The following KRAS variants were observed in gnomAD, a reference collection of about 807,000 sequenced individuals.
KRAS encodes the protein GTPase KRas.
Under a neutral mutation model 21.0 loss-of-function variants are expected in KRAS, and 1 was observed. That is an observed-to-expected ratio of 0.05 (90% CI 0.02 to 0.23). KRAS has a LOEUF of 0.23. Among genes scored for constraint, KRAS ranks in the 10% least tolerant of loss-of-function variants. The pLI, the probability that KRAS is intolerant of heterozygous loss-of-function variation, is 1.00. For missense variants in KRAS, 107 were observed against 221.8 expected, an observed-to-expected ratio of 0.48 and a Z score of 3.29; for synonymous variants, 67 against 72.5, an observed-to-expected ratio of 0.92 and a Z score of 0.39.
At chr12:25,236,829 A>T (rs553763379) in intron 2 of KRAS, among the ~76,000 whole-genome samples, 24 of 152,160 alleles carry the variant, frequency 1.6e-4, no homozygotes, top group Non-Finnish European at 3.1e-4. Context: ...TACCAAAACC[A>T]CTTGGCAGTT....
intron 2 of KRAS, chr12:25,234,623 TA>T (rs1473023376): frequency 5.3e-6 from 1 of 188,340 alleles, no homozygotes; most frequent in Non-Finnish European, 1.1e-5. Flanking sequence ...AATCTTCTTT[TA>T]CACTGACTTG....
chr12:25,227,554 AC>A, intron 2 of KRAS, 142 bp from the exon 3 acceptor site: 1 of 690,220 alleles, frequency 1.4e-6, no homozygotes, highest in Non-Finnish European at 2.5e-6. Flanking sequence ...TCCAAAGATG[AC>A]GGACAAATGG....
chr12:25,246,097 C>T (rs1951676415), intron 1 of KRAS, among the ~76,000 whole-genome samples: 2 of 144,354 alleles, frequency 1.4e-5, no homozygotes, highest in Non-Finnish European at 3.0e-5. Context: ...TGCAATGAGC[C>T]GAGATGGCGC....
At chr12:25,240,694 A>G (rs1434921563) in intron 2 of KRAS, among the ~76,000 whole-genome samples, 1 of 152,164 alleles carries the variant, frequency 6.6e-6, no homozygotes, top group Non-Finnish European at 1.5e-5. Context: ...GAGATTCCAA[A>G]CCATAAAATC....
rs540765093 is a variant in KRAS at position 25,227,097 on chromosome 12, C to T, written c.290+137G>A. On this transcript the variant is annotated intron_variant, in intron 3 of 4. Coordinates refer to ENST00000311936, the MANE Select transcript of KRAS (RefSeq NM_004985.5). Reference sequence around the variant, plus strand: ...TCCCCCAAGAACTTCATTTATAAAACAGGGATATTACCTACCTCATAAACA... The same window carrying T: ...TCCCCCAAGAACTTCATTTATAAAATAGGGATATTACCTACCTCATAAACA... The T allele has an allele frequency of 4.2e-5, 24 of 577,314 alleles. 1 individual carries two copies. The South Asian group carries it at 5.7e-4, about 14-fold the overall frequency. 35.8% of individuals were successfully genotyped at this position (577,314 alleles called of 1,614,324 possible). A position where few individuals can be genotyped will look rare whatever the true frequency, so the allele number is the denominator to read the frequency against.
chr12:25,205,592 AG>A lies in KRAS; in HGVS notation c.*4202del. The A allele has an allele frequency of 4.5e-6, 1 of 220,406 alleles. No homozygotes were observed. Among genetic ancestry groups the A allele is most frequent in the Non-Finnish European group, 9.1e-6 (1 of 109,672 alleles). 13.7% of individuals were successfully genotyped at this position (220,406 alleles called of 1,614,324 possible). On this transcript the variant is annotated 3_prime_UTR_variant, in exon 5 of 5. Transcript: ENST00000311936. ...GTACTAGTAAGAAATTGGCACTCAA[AG>A]GAAAAATGCAAAAGTATTTTCAACA...
intron 1 of KRAS, among the ~76,000 whole-genome samples, chr12:25,248,385 G>A (rs1378639278): frequency 5.9e-5 from 9 of 152,094 alleles, no homozygotes; most frequent in African/African-American, 2.2e-4. Context: ...GAGAGTCGGA[G>A]GTAGTAGCGG....
intron 4 of KRAS, among the ~76,000 whole-genome samples, chr12:25,211,393 G>A (rs1342319835): frequency 6.6e-6 from 1 of 152,094 alleles, no homozygotes; most frequent in Non-Finnish European, 1.5e-5. Context: ...TGGCCAACAT[G>A]GTGAAACCCT....
chr12:25,226,464 T>C (rs564501999), intron 3 of KRAS, among the ~76,000 whole-genome samples: 34 of 152,332 alleles, frequency 2.2e-4, no homozygotes, highest in Admixed American at 5.9e-4. Flanking sequence ...ACTTGGATAA[T>C]AGAGCTGAAA....
intron 2 of KRAS, among the ~76,000 whole-genome samples, chr12:25,231,561 T>C (rs992419382): frequency 3.3e-5 from 5 of 152,204 alleles, no homozygotes; most frequent in Non-Finnish European, 5.9e-5. Context: ...AATACACCAG[T>C]GCGACCGAGA....
chr12:25,236,875 C>T (rs996925520), intron 2 of KRAS, among the ~76,000 whole-genome samples: 1 of 152,070 alleles, frequency 6.6e-6, no homozygotes. Flanking sequence ...CCATATAACC[C>T]AGCAACTGTA....
intron 2 of KRAS, among the ~76,000 whole-genome samples, chr12:25,231,310 C>A (rs1374944593): frequency 1.3e-5 from 2 of 151,970 alleles, no homozygotes; most frequent in African/African-American, 4.8e-5. Context: ...TGGTCTTCAA[C>A]TCCTGACCTC....
chr12:25,242,545 AAAGAT>A (rs1158820590), intron 2 of KRAS, among the ~76,000 whole-genome samples: 1 of 152,164 alleles, frequency 6.6e-6, no homozygotes, highest in African/African-American at 2.4e-5. Flanking sequence ...GGGCTTCATA[AAAGAT>A]AACAATATAT....
chr12:25,235,622 G>A (rs947676697), intron 2 of KRAS, among the ~76,000 whole-genome samples: 1 of 152,126 alleles, frequency 6.6e-6, no homozygotes, highest in Non-Finnish European at 1.5e-5. Context: ...GTACAATGGT[G>A]GCACACAGGA....
intron 2 of KRAS, among the ~76,000 whole-genome samples, chr12:25,241,076 T>G (rs1951603910): frequency 6.6e-6 from 1 of 152,208 alleles, no homozygotes; most frequent in Non-Finnish European, 1.5e-5. Flanking sequence ...TTTAGTCCCT[T>G]CAACAAAGTA....
intron 4 of KRAS, among the ~76,000 whole-genome samples, chr12:25,220,508 C>A (rs1951306467): frequency 1.3e-5 from 2 of 152,130 alleles, no homozygotes; most frequent in South Asian, 4.1e-4. Flanking sequence ...ACGGGCAGAT[C>A]ACGAGGTCAA....
intron 2 of KRAS, among the ~76,000 whole-genome samples, chr12:25,242,078 C>T (rs1356174803): frequency 2.6e-5 from 4 of 152,100 alleles, no homozygotes; most frequent in Non-Finnish European, 5.9e-5. Flanking sequence ...AAATACTCTA[C>T]AGCTCAGAAC....
chr12:25,212,606 C>T (rs979033830), intron 4 of KRAS, among the ~76,000 whole-genome samples: 2 of 151,950 alleles, frequency 1.3e-5, no homozygotes, highest in Admixed American at 6.6e-5. Context: ...TAATTTCAAT[C>T]GTGAAGGAAA....
In KRAS at chr12:25,205,410, T is replaced by A; in HGVS notation, c.*4385A>T. Reference sequence around the variant, plus strand: ...TTTTTAATGTTTGATATGACCAACATTCCTAGGTCAGCGCAACCAAATGAT... The same window carrying A: ...TTTTTAATGTTTGATATGACCAACAATCCTAGGTCAGCGCAACCAAATGAT... On this transcript the variant is annotated 3_prime_UTR_variant, in exon 5 of 5. Coordinates refer to ENST00000311936, the MANE Select transcript of KRAS (RefSeq NM_004985.5). The A allele has an allele frequency of 4.6e-6, 1 of 215,328 alleles. No homozygotes were observed. Among genetic ancestry groups the A allele is most frequent in the Non-Finnish European group, 9.4e-6 (1 of 106,424 alleles). The allele number at this position is 215,328 out of a possible 1,614,324, so 13.3% of individuals were successfully genotyped here.
Sources: allele counts gnomAD v4.1 joint callset (sites outside exome capture counted in the v4.1 genomes callset), GRCh38; gene constraint gnomAD v4.1.1; transcripts MANE v1.5; gene names NCBI Gene and HGNC (gene_info 2026-07-23, HGNC 2026-07-21).